The following GBE1 variants were observed in gnomAD, a reference collection of about 807,000 sequenced individuals.
The protein encoded by GBE1 is 1,4-alpha-glucan-branching enzyme.
A neutral mutation model predicts 88.8 loss-of-function variants in GBE1; 70 were observed. The observed-to-expected ratio is 0.79, with a 90% CI of 0.65 to 0.96. The LOEUF (loss-of-function observed/expected upper bound fraction) is 0.96, where lower values mean the gene tolerates loss of function less well. Ranked by LOEUF, GBE1 falls within the 40% of genes least tolerant of loss-of-function variation. The pLI is 0.00. For synonymous variants in GBE1, 284 were observed against 300.1 expected (o/e 0.95, Z 0.56); for missense variants, 872 against 871.0 (o/e 1.00, Z -0.01).
At chr3:81,622,168 T>C (rs891082797) in intron 7 of GBE1, among the ~76,000 whole-genome samples, 3 of 152,218 alleles carry the variant, frequency 2.0e-5, no homozygotes, top group Admixed American at 1.3e-4. Flanking sequence ...TCACTTTCCA[T>C]TTTCTTCTTA....
chr3:81,680,264 C>T (rs921363924), intron 2 of GBE1, among the ~76,000 whole-genome samples: 3 of 152,032 alleles, frequency 2.0e-5, no homozygotes, highest in Non-Finnish European at 2.9e-5. Flanking sequence ...GAGGCCGAGG[C>T]GGGTGGATCA....
intron 3 of GBE1, among the ~76,000 whole-genome samples, chr3:81,652,117 A>C (rs1022224804): frequency 4.6e-5 from 7 of 152,240 alleles, no homozygotes. Context: ...GCCCTTGAAG[A>C]CACAGAGCTG....
At chr3:81,552,339 G>A (rs781193724) in intron 12 of GBE1, among the ~76,000 whole-genome samples, 5 of 152,046 alleles carry the variant, frequency 3.3e-5, no homozygotes, top group Admixed American at 6.6e-5. Flanking sequence ...CCAGCATGGC[G>A]AAATCCTGTC....
At chr3:81,611,234 G>T (rs920831440) in intron 7 of GBE1, among the ~76,000 whole-genome samples, 66 of 152,150 alleles carry the variant, frequency 4.3e-4, no homozygotes, top group African/African-American at 1.6e-3. Flanking sequence ...ATGCATTCCT[G>T]TACTGGGCAA....
In GBE1 at chr3:81,750,625, ATATACG is replaced by A. The variant is rs1559708732; in HGVS notation, c.143+10744_143+10749del. Among the ~76,000 whole-genome samples, 115 of 63,390 alleles carry A rather than the reference ATATACG, an allele frequency of 1.8e-3. 11 individuals are homozygous for A. Among genetic ancestry groups the A allele is most frequent in the African/African-American group, 0.011 (106 of 9,520 alleles). 41.6% of individuals were successfully genotyped at this position (63,390 alleles called of 152,430 possible). ...TGTGTATATATATATATGTATATAT[ATATACG>A]TATATATATATATGTATATATATAT... On this transcript the variant is annotated intron_variant, in intron 1 of 15. Transcript: ENST00000429644.
rs78534907 is a variant in GBE1, at chr3:81,580,580, C to A, written c.1446+585G>T. 4.6e-3 allele frequency among the ~76,000 whole-genome samples: 692 copies of A among 151,280 alleles called. 8 individuals carry two copies. The highest frequency in any genetic ancestry group is 0.015 in the African/African-American group (633 of 41,346). ...TTGGGCAGAGAATAATGCTGGAAACCGGCTTGAGCCAAAATAGGAGTGGCT... is the reference window on the plus strand; with the variant it reads ...TTGGGCAGAGAATAATGCTGGAAACAGGCTTGAGCCAAAATAGGAGTGGCT... On this transcript the variant is annotated intron_variant, in intron 11 of 15. Transcript: ENST00000429644.
At chr3:81,546,601 G>A (rs906529707) in intron 12 of GBE1, among the ~76,000 whole-genome samples, 1 of 151,364 alleles carries the variant, frequency 6.6e-6, no homozygotes, top group Admixed American at 6.6e-5. Flanking sequence ...TAATGAGAGT[G>A]ACCTCTGGTC....
chr3:81,505,248 C>A (rs1702639081), intron 14 of GBE1, among the ~76,000 whole-genome samples: 1 of 152,094 alleles, frequency 6.6e-6, no homozygotes. Flanking sequence ...TGCCCAGGAG[C>A]TAAGTGACCC....
chr3:81,761,552 G>GA lies in GBE1; in HGVS notation c.-36_-35insT. Reference sequence around the variant, plus strand: ...CAGTCCAAGTAGCCGAGGCCCGAGAGGTCGAGTGGGGCCTGAGCGGGCGCT... The same window carrying GA: ...CAGTCCAAGTAGCCGAGGCCCGAGAGAGTCGAGTGGGGCCTGAGCGGGCGCT... On this transcript the variant is annotated 5_prime_UTR_variant, in exon 1 of 16. Coordinates refer to ENST00000429644, the MANE Select transcript of GBE1 (RefSeq NM_000158.4). 7.0e-7 allele frequency: 1 copy of GA among 1,432,084 alleles called. No individual in the cohort carries two copies. Among genetic ancestry groups the GA allele is most frequent in the Non-Finnish European group, 9.1e-7 (1 of 1,099,528 alleles). The allele number at this position is 1,432,084 out of a possible 1,614,324, so 88.7% of individuals were successfully genotyped here. A position where few individuals can be genotyped will look rare whatever the true frequency, so the allele number is the denominator to read the frequency against.
intron 3 of GBE1, among the ~76,000 whole-genome samples, chr3:81,669,343 C>A (rs1436455792): frequency 6.6e-6 from 1 of 152,088 alleles, no homozygotes; most frequent in Non-Finnish European, 1.5e-5. Flanking sequence ...ATTCCTGCAA[C>A]ACTTTTTAAA....
intron 1 of GBE1, among the ~76,000 whole-genome samples, chr3:81,710,958 A>G (rs1020689203): frequency 6.6e-6 from 1 of 152,214 alleles, no homozygotes; most frequent in Non-Finnish European, 1.5e-5. Flanking sequence ...AAGAAAATAA[A>G]GTTGACTGGA....
chr3:81,738,578 A>G (rs1056677488), intron 1 of GBE1, among the ~76,000 whole-genome samples: 1 of 152,154 alleles, frequency 6.6e-6, no homozygotes, highest in Non-Finnish European at 1.5e-5. Flanking sequence ...ACTGACTTAA[A>G]GCTATTGTAA....
At chr3:81,596,498 T>C (rs1703958879) in intron 7 of GBE1, among the ~76,000 whole-genome samples, 1 of 151,926 alleles carries the variant, frequency 6.6e-6, no homozygotes, top group South Asian at 2.1e-4. Flanking sequence ...ACTAGTCTTA[T>C]AAGGGTAACA....
chr3:81,687,774 A>C (rs1006694867), intron 2 of GBE1, among the ~76,000 whole-genome samples: 1 of 152,238 alleles, frequency 6.6e-6, no homozygotes, highest in Non-Finnish European at 1.5e-5. Flanking sequence ...AAGGTTCAAA[A>C]GAGATGAAAC....
chr3:81,636,511 A>G (rs992424852), intron 7 of GBE1, among the ~76,000 whole-genome samples: 1 of 149,968 alleles, frequency 6.7e-6, no homozygotes, highest in Admixed American at 6.6e-5. Context: ...ATGTCTTTTA[A>G]TCATCCATCA....
intron 7 of GBE1, among the ~76,000 whole-genome samples, chr3:81,607,215 G>C (rs1380293499): frequency 6.6e-6 from 1 of 152,026 alleles, no homozygotes; most frequent in Non-Finnish European, 1.5e-5. Flanking sequence ...TAAAAATGGG[G>C]GAAAAACTAT....
chr3:81,590,533 T>C (rs760393865), intron 9 of GBE1, among the ~76,000 whole-genome samples: 4 of 152,084 alleles, frequency 2.6e-5, no homozygotes, highest in Admixed American at 6.6e-5. Context: ...CAGTTAATCA[T>C]GAACCTTCAA....
chr3:81,590,939 A>C (rs1703869018), intron 9 of GBE1, 98 bp downstream of exon 9: 1 of 1,059,202 alleles, frequency 9.4e-7, no homozygotes, highest in Middle Eastern at 2.1e-4. Flanking sequence ...CATTTACGCA[A>C]TTATTGACAA....
At chr3:81,656,734 A>T (rs1704944715) in intron 3 of GBE1, among the ~76,000 whole-genome samples, 1 of 152,230 alleles carries the variant, frequency 6.6e-6, no homozygotes, top group Non-Finnish European at 1.5e-5. Context: ...AAAAGTAGAC[A>T]AATATGTACT....
Sources: gnomAD v4.1 joint callset for allele counts (sites outside exome capture counted in the v4.1 genomes callset) on GRCh38, gnomAD v4.1.1 for gene constraint, MANE v1.5 for transcripts, NCBI Gene and HGNC (gene_info 2026-07-23, HGNC 2026-07-21) for gene names.